Variants in DDX59 observed in about 807,000 individuals in gnomAD.
The protein encoded by DDX59 is DEAD-box helicase 59.
A neutral mutation model predicts 51.9 loss-of-function variants in DDX59; 30 were observed. That is an observed-to-expected ratio of 0.58 (90% CI 0.43 to 0.78). The LOEUF (loss-of-function observed/expected upper bound fraction) is 0.78. DDX59 is among the 30% of genes least tolerant of loss of function. The pLI is 0.00. For missense variants in DDX59, 672 were observed against 730.8 expected, an observed-to-expected ratio of 0.92 and a Z score of 0.93; for synonymous variants, 255 against 253.3, an observed-to-expected ratio of 1.01 and a Z score of -0.06.
chr1:200,645,092 G>T (rs1196114792), intron 7 of DDX59, among the ~76,000 whole-genome samples: 1 of 152,078 alleles, frequency 6.6e-6, no homozygotes, highest in African/African-American at 2.4e-5. Flanking sequence ...TGTGAAACTT[G>T]TGTTTTAGTT....
Position 200,666,372 on chromosome 1 carries a change from ATC to A in DDX59, c.367_368del (p.Asp123Ter), listed in dbSNP as rs1433161846. ...RYGEYICDKT[D>X]EDVCSLECKA... is the part of the protein sequence containing the mutation. ...TACACTCCAAACTACACACATCTTC[ATC>A]TGTCTTATCACAGATATACTCTCCA... On this transcript the variant is annotated frameshift_variant, in exon 2 of 8. Coordinates refer to ENST00000331314, the MANE Select transcript of DDX59 (RefSeq NM_001031725.6). LOFTEE classifies it high-confidence loss of function. 1.2e-6 allele frequency: 2 copies of A among 1,614,256 alleles called. No homozygotes were observed. The highest frequency in any genetic ancestry group is 1.7e-5 in the Admixed American group (1 of 60,032).
At chr1:200,641,607 G>A (rs1200266617), downstream of DDX59, among the ~76,000 whole-genome samples, 7 of 152,118 alleles carry the variant, frequency 4.6e-5, no homozygotes, top group East Asian at 1.9e-4. Context: ...GGTGGCTCAC[G>A]CCTGTAATCC....
Position 200,650,436 on chromosome 1 carries a change from C to A in DDX59, c.1303G>T (p.Glu435Ter). The A allele has an allele frequency of 6.2e-7, 1 of 1,611,846 alleles. No individual in the cohort carries two copies. The highest frequency in any genetic ancestry group is 8.5e-7 in the Non-Finnish European group (1 of 1,178,722). ...GCTTTACTACTCACATTTAAAATTT[C>A]AAATAATTTTTTCTTTTTGGCTGGG... ...EDPAKKKKLF[E>*]ILNDKKLFKP... The change falls in exon 5 of 8, where the codon GAA becomes TAA. Residue 435 changes from glutamate to a stop codon, truncating the protein, a stop_gained. Coordinates refer to ENST00000331314, the MANE Select transcript of DDX59 (RefSeq NM_001031725.6). LOFTEE classifies it high-confidence loss of function.
Position 200,648,572 on chromosome 1 carries a change from CCA to C in DDX59, c.1468-7_1468-6del, listed in dbSNP as rs1661447645. ...ATAGTCTCCTTCAAGTAATCCCTTT[CCA>C]AAAAAGCAACAAAATTTATTATTCA... On this transcript the variant is annotated splice_polypyrimidine_tract_variant and splice_region_variant and intron_variant, in intron 6 of 7. Transcript: ENST00000331314. The C allele has an allele frequency of 6.2e-7, 1 of 1,600,022 alleles. No individual in the cohort carries two copies. The highest frequency in any genetic ancestry group is 2.2e-5 in the East Asian group (1 of 44,792).
At chr1:200,667,870 C>T (rs995358222) in intron 1 of DDX59, among the ~76,000 whole-genome samples, 4 of 151,338 alleles carry the variant, frequency 2.6e-5, no homozygotes, top group African/African-American at 9.7e-5. Flanking sequence ...GAGTAATATA[C>T]ACAAGACTAA....
At chr1:200,650,152 A>G (rs1416170660) in intron 5 of DDX59, among the ~76,000 whole-genome samples, 1 of 152,144 alleles carries the variant, frequency 6.6e-6, no homozygotes, top group Non-Finnish European at 1.5e-5. Flanking sequence ...CCCTTCTAAA[A>G]TATTTTCAAA....
intron 3 of DDX59, among the ~76,000 whole-genome samples, chr1:200,662,256 T>C (rs1266450400): frequency 6.6e-6 from 1 of 152,208 alleles, no homozygotes; most frequent in African/African-American, 2.4e-5. Context: ...GATAATGTCC[T>C]TGTTTGTAGC....
chr1:200,664,894 T>C (rs1416050265), intron 2 of DDX59, among the ~76,000 whole-genome samples: 2 of 152,160 alleles, frequency 1.3e-5, no homozygotes, highest in Non-Finnish European at 2.9e-5. Context: ...AGGCCGGTCT[T>C]GAACTCTAGA....
chr1:200,654,522 T>G (rs903707818), intron 4 of DDX59: 3 of 152,200 alleles, frequency 2.0e-5, no homozygotes, highest in Non-Finnish European at 2.9e-5. Context: ...TGGTCTCGTC[T>G]GATGGTCACT....
At chr1:200,645,839 A>G (rs1425356519) in intron 7 of DDX59, among the ~76,000 whole-genome samples, 4 of 152,224 alleles carry the variant, frequency 2.6e-5, no homozygotes, top group Admixed American at 6.5e-5. Flanking sequence ...TAAGAAGGGA[A>G]GCCTCTAGGG....
chr1:200,644,161 A>T lies in DDX59; in HGVS notation c.*93T>A, dbSNP rs1424449583. ...TTTATTAAATTAAAAATATCTTAAA[A>T]TTTTTAAAATTCATGTACATTTCCA... On this transcript the variant is annotated 3_prime_UTR_variant, in exon 8 of 8. Coordinates refer to ENST00000331314, the MANE Select transcript of DDX59 (RefSeq NM_001031725.6). The T allele has an allele frequency of 9.9e-7, 1 of 1,014,962 alleles. No homozygotes were observed. Among genetic ancestry groups the T allele is most frequent in the Non-Finnish European group, 1.3e-6 (1 of 788,030 alleles). 62.9% of individuals were successfully genotyped at this position (1,014,962 alleles called of 1,614,324 possible).
chr1:200,661,038 T>C (rs1383026640), intron 3 of DDX59, among the ~76,000 whole-genome samples: 3 of 152,208 alleles, frequency 2.0e-5, no homozygotes, highest in South Asian at 4.1e-4. Flanking sequence ...TCTAGTAAAA[T>C]AAACCAGGGC....
At chr1:200,659,142 A>G in intron 3 of DDX59, 26 bp from the exon 4 acceptor site, 1 of 1,555,928 alleles carries the variant, frequency 6.4e-7, no homozygotes, top group Non-Finnish European at 8.8e-7. Context: ...AAAGCAAATT[A>G]AAAAAATCAG....
chr1:200,668,021 G>A (rs1021811988), intron 1 of DDX59, among the ~76,000 whole-genome samples: 24 of 152,098 alleles, frequency 1.6e-4, no homozygotes, highest in Non-Finnish European at 3.4e-4. Context: ...GGTTTGGGCT[G>A]GGCGCAGTGG....
intron 4 of DDX59, among the ~76,000 whole-genome samples, chr1:200,653,784 C>A (rs191634369): frequency 2.7e-4 from 41 of 152,278 alleles, no homozygotes; most frequent in African/African-American, 9.1e-4. Flanking sequence ...AAAGTCTTCC[C>A]TCCAGATGGA....
In DDX59 at chr1:200,666,270, C is replaced by T; in HGVS notation, c.471G>A (p.Glu157=). 1 of 1,614,220 alleles carries T rather than the reference C, an allele frequency of 6.2e-7. No homozygotes were observed. The highest frequency in any genetic ancestry group is 8.5e-7 in the Non-Finnish European group (1 of 1,180,036). ...AGGAAGCATTCAGTGGAGACTCTGG[C>T]TCAGAATCAGCCTTCTGTGGATTGC... The part of the protein sequence containing the change: ...KLSNPQKADS[E]PESPLNASYV... The change falls in exon 2 of 8, where the codon GAG becomes GAA. Residue 157 remains glutamate (E), a synonymous_variant. Transcript: ENST00000331314.
At chr1:200,653,165 A>T (rs1661778640) in intron 4 of DDX59, among the ~76,000 whole-genome samples, 1 of 152,208 alleles carries the variant, frequency 6.6e-6, no homozygotes, top group African/African-American at 2.4e-5. Context: ...TGCATGCATC[A>T]AAGACTCTCA....
chr1:200,651,201 G>GT lies in DDX59; in HGVS notation c.1063-526dup, dbSNP rs199874826. 6.4e-3 allele frequency among the ~76,000 whole-genome samples: 949 copies of GT among 148,150 alleles called. 6 individuals are homozygous for GT. The highest frequency in any genetic ancestry group is 0.022 in the African/African-American group (907 of 40,478). Reference sequence around the variant, plus strand: ...CTACTTTTAGTTTTTTGCAAAGTTTGTTTTTTTTTTAAACCATGAACACAG... The same window carrying GT: ...CTACTTTTAGTTTTTTGCAAAGTTTGTTTTTTTTTTTAAACCATGAACACAG... On this transcript the variant is annotated intron_variant, in intron 4 of 7. Coordinates refer to ENST00000331314, the MANE Select transcript of DDX59 (RefSeq NM_001031725.6).
intron 2 of DDX59, 79 bp downstream of exon 2, chr1:200,665,858 T>C: frequency 7.0e-7 from 1 of 1,431,420 alleles, no homozygotes; most frequent in Non-Finnish European, 9.4e-7. Flanking sequence ...GCAATTTTAA[T>C]ATAGTTAAAA....
Sources: gnomAD v4.1 joint callset for allele counts (sites outside exome capture counted in the v4.1 genomes callset) on GRCh38, gnomAD v4.1.1 for gene constraint, MANE v1.5 for transcripts, NCBI Gene and HGNC (gene_info 2026-07-23, HGNC 2026-07-21) for gene names.